The following BMPER variants were observed in gnomAD, a reference collection of about 807,000 sequenced individuals.
BMPER encodes the protein BMP-binding endothelial regulator protein.
A neutral mutation model predicts 87.3 loss-of-function variants in BMPER; 45 were observed. The ratio of observed to expected loss-of-function variants is 0.52; its 90% CI spans 0.41 to 0.66. The LOEUF is 0.66. BMPER is among the 30% of genes least tolerant of loss of function. The pLI is 0.00. For synonymous variants in BMPER, 326 were observed against 316.2 expected (o/e 1.03, Z -0.33); for missense variants, 784 against 867.5 (o/e 0.90, Z 1.21).
chr7:33,932,988 T>C (rs1238533663), intron 2 of BMPER, among the ~76,000 whole-genome samples: 3 of 152,126 alleles, frequency 2.0e-5, no homozygotes, highest in African/African-American at 7.2e-5. Flanking sequence ...CACTGGGAAA[T>C]ACTCCCAAGG....
chr7:34,077,184 A>G (rs185573062), intron 11 of BMPER, among the ~76,000 whole-genome samples: 7 of 152,248 alleles, frequency 4.6e-5, no homozygotes, highest in Non-Finnish European at 7.4e-5. Flanking sequence ...GGGAGAGAGA[A>G]TGTTGGGGGA....
intron 6 of BMPER, among the ~76,000 whole-genome samples, chr7:34,001,703 C>T (rs1786586056): frequency 6.6e-6 from 1 of 150,816 alleles, no homozygotes; most frequent in Non-Finnish European, 1.5e-5. Context: ...TCATCATTTT[C>T]TTTCTTCTGG....
chr7:33,995,768 A>G (rs1419931154), intron 6 of BMPER, among the ~76,000 whole-genome samples: 1 of 152,116 alleles, frequency 6.6e-6, no homozygotes, highest in Non-Finnish European at 1.5e-5. Context: ...CAAATGTTGT[A>G]CAAAAGAGGC....
At chr7:33,972,469 G>A (rs1785574054) in intron 5 of BMPER, among the ~76,000 whole-genome samples, 1 of 152,114 alleles carries the variant, frequency 6.6e-6, no homozygotes, top group African/African-American at 2.4e-5. Flanking sequence ...TGAGTTTCTA[G>A]GAAGGAAAGG....
intron 13 of BMPER, among the ~76,000 whole-genome samples, chr7:34,097,653 G>A (rs1789565105): frequency 6.6e-6 from 1 of 152,130 alleles, no homozygotes; most frequent in Non-Finnish European, 1.5e-5. Flanking sequence ...AAGTTCCCAG[G>A]TTGATGCTGG....
rs75295552 is a variant in BMPER at position 33,905,589 on chromosome 7, C to A, written c.-25C>A. On this transcript the variant is annotated 5_prime_UTR_variant, in exon 1 of 15. Coordinates refer to ENST00000649409, the MANE Select transcript of BMPER (RefSeq NM_001365308.1). The stretch of plus-strand genomic sequence containing the variant: ...GAGGCGGCGGCGCGGGACCTGCAGT[C>A]GCCAGGGATTCCCTCCAGGTGACGA... 2,750 of 1,609,696 alleles carry A rather than the reference C, an allele frequency of 1.7e-3. 39 individuals are homozygous for A. In the African/African-American group the frequency reaches 0.033, roughly 19 times the overall value.
At chr7:34,027,984 A>G (rs1787402840) in intron 6 of BMPER, among the ~76,000 whole-genome samples, 1 of 152,240 alleles carries the variant, frequency 6.6e-6, no homozygotes, top group South Asian at 2.1e-4. Context: ...TAGAATATCC[A>G]CTCAAAGTAC....
intron 4 of BMPER, among the ~76,000 whole-genome samples, chr7:33,968,551 C>T (rs1246465929): frequency 6.6e-6 from 1 of 152,204 alleles, no homozygotes; most frequent in Non-Finnish European, 1.5e-5. Flanking sequence ...CTGCCACTCA[C>T]ATAACTTGCT....
At chr7:33,936,860 T>C (rs1222810723) in intron 2 of BMPER, among the ~76,000 whole-genome samples, 1 of 152,218 alleles carries the variant, frequency 6.6e-6, no homozygotes, top group Non-Finnish European at 1.5e-5. Context: ...ACTCTACTAT[T>C]AAGGATTGTT....
rs1562695104 is a variant in BMPER at position 34,024,376 on chromosome 7, AAAAAAACAATATATAT to A, written c.577-21928_577-21913del. On this transcript the variant is annotated intron_variant, in intron 6 of 14. Transcript: ENST00000649409. Reference sequence around the variant, plus strand: ...CTGTCTCAAAAAAAAAAAAAAAAAAAAAAAAACAATATATATATATATATATATATATATATATATA... The same window carrying A: ...CTGTCTCAAAAAAAAAAAAAAAAAAAATATATATATATATATATATATATA... 3.0e-4 allele frequency among the ~76,000 whole-genome samples: 29 copies of A among 97,280 alleles called. 3 individuals carry two copies. The highest frequency in any genetic ancestry group is 1.4e-3 in the African/African-American group (28 of 19,378). The allele number at this position is 97,280 out of a possible 152,430, so 63.8% of individuals were successfully genotyped here. A position where few individuals can be genotyped will look rare whatever the true frequency, so the allele number is the denominator to read the frequency against.
chr7:34,147,605 G>C (rs1316679959), intron 14 of BMPER, among the ~76,000 whole-genome samples: 1 of 152,040 alleles, frequency 6.6e-6, no homozygotes, highest in Non-Finnish European at 1.5e-5. Context: ...CTAGTAGCTG[G>C]GATTACAGGC....
At chr7:33,914,395 A>G (rs193262881) in intron 2 of BMPER, among the ~76,000 whole-genome samples, 18 of 152,340 alleles carry the variant, frequency 1.2e-4, no homozygotes, top group Non-Finnish European at 2.2e-4. Flanking sequence ...GCGCTTGGCA[A>G]GAAAATAGAT....
chr7:34,132,710 T>A (rs902556957), intron 13 of BMPER, among the ~76,000 whole-genome samples: 1 of 152,132 alleles, frequency 6.6e-6, no homozygotes, highest in African/African-American at 2.4e-5. Context: ...TACTACCTAG[T>A]TTTGGGGCTA....
At chr7:33,956,209 C>T (rs1785144448) in intron 3 of BMPER, among the ~76,000 whole-genome samples, 1 of 152,022 alleles carries the variant, frequency 6.6e-6, no homozygotes, top group African/African-American at 2.4e-5. Flanking sequence ...AAGCACTGTT[C>T]ATAAAAATGA....
intron 2 of BMPER, among the ~76,000 whole-genome samples, chr7:33,934,895 G>A (rs1183168232): frequency 6.6e-6 from 1 of 152,166 alleles, no homozygotes; most frequent in African/African-American, 2.4e-5. Context: ...TGTTAATGAA[G>A]TTCTTTCACA....
chr7:34,001,469 T>G (rs993872354), intron 6 of BMPER, among the ~76,000 whole-genome samples: 4 of 151,800 alleles, frequency 2.6e-5, no homozygotes, highest in African/African-American at 9.7e-5. Flanking sequence ...TGGCATACAG[T>G]TGTTCATAAT....
chr7:34,117,062 T>G (rs1297267544), intron 13 of BMPER, among the ~76,000 whole-genome samples: 1 of 152,136 alleles, frequency 6.6e-6, no homozygotes, highest in Non-Finnish European at 1.5e-5. Flanking sequence ...TGGGTATTAT[T>G]ATTGGTACAT....
rs189343133 is a variant in BMPER at position 34,153,761 on chromosome 7, T to A, written c.*488T>A. 1.1e-5 allele frequency: 2 copies of A among 179,914 alleles called. No individual in the cohort carries two copies. Among genetic ancestry groups the A allele is most frequent in the African/African-American group, 4.8e-5 (2 of 41,894 alleles). The allele number at this position is 179,914 out of a possible 1,614,324, so 11.1% of individuals were successfully genotyped here. A position where few individuals can be genotyped will look rare whatever the true frequency, so the allele number is the denominator to read the frequency against. On this transcript the variant is annotated 3_prime_UTR_variant, in exon 15 of 15. Coordinates refer to ENST00000649409, the MANE Select transcript of BMPER (RefSeq NM_001365308.1). The stretch of plus-strand genomic sequence containing the variant: ...TTTCAGGTTTCCAAAGAAAGGAATG[T>A]ATGCCTGGGAAAGACAGCAGGAGAT...
intron 6 of BMPER, among the ~76,000 whole-genome samples, chr7:34,026,015 C>T (rs1303865267): frequency 6.6e-6 from 1 of 151,994 alleles, no homozygotes; most frequent in African/African-American, 2.4e-5. Context: ...CTGAAGAACT[C>T]TTTTGGAGTT....
Sources: gnomAD v4.1 joint callset for allele counts (sites outside exome capture counted in the v4.1 genomes callset) on GRCh38, gnomAD v4.1.1 for gene constraint, MANE v1.5 for transcripts, NCBI Gene and HGNC (gene_info 2026-07-23, HGNC 2026-07-21) for gene names.